KHSRP: variants seen among roughly 807,000 people sequenced by gnomAD.
The protein encoded by KHSRP is far upstream element-binding protein 2.
Under a neutral mutation model 94.9 loss-of-function variants are expected in KHSRP, and 13 were observed. That is an observed-to-expected ratio of 0.14 (90% CI 0.09 to 0.22). The LOEUF (loss-of-function observed/expected upper bound fraction) is 0.22, where lower values mean the gene tolerates loss of function less well. Ranked by LOEUF, KHSRP falls within the 10% of genes least tolerant of loss-of-function variation. The probability of loss-of-function intolerance (pLI) is 1.00; values close to 1 mark genes in which losing one functional copy is unlikely to be tolerated. For synonymous variants in KHSRP, 495 were observed against 401.4 expected, an observed-to-expected ratio of 1.23 and a Z score of -2.79; for missense variants, 710 against 1,010.0, an observed-to-expected ratio of 0.70 and a Z score of 4.03.
Position 6,418,141 on chromosome 19 carries a change from C to A in KHSRP, c.880-62G>T. On this transcript the variant is annotated intron_variant, in intron 9 of 18. Transcript: ENST00000600480. This position sits in a 1 kb window ranked among gnomAD's most constrained non-coding sequence, Gnocchi z 4.3. Reference sequence around the variant, plus strand: ...CCTGCTGCCCCACACCCCCCCACCTCCTCGGGGGTGCGGGCCTCAACTAAG... The same window carrying A: ...CCTGCTGCCCCACACCCCCCCACCTACTCGGGGGTGCGGGCCTCAACTAAG... The A allele has an allele frequency of 6.8e-7, 1 of 1,461,050 alleles. No homozygotes were observed. The highest frequency in any genetic ancestry group is 1.2e-5 in the South Asian group (1 of 86,666). The allele number at this position is 1,461,050 out of a possible 1,614,324, so 90.5% of individuals were successfully genotyped here. A position where few individuals can be genotyped will look rare whatever the true frequency, so the allele number is the denominator to read the frequency against.
At position 6,415,820 on chromosome 19, in the gene KHSRP, G is replaced by A. The variant is rs1293666172; in HGVS notation, c.1675C>T (p.Pro559Ser). The A allele has an allele frequency of 2.5e-6, 4 of 1,572,644 alleles. No homozygotes were observed. The highest frequency in any genetic ancestry group is 1.9e-5 in the Admixed American group (1 of 53,386). The change falls in exon 16 of 19, where the codon CCT (proline) becomes TCT (serine). Residue 559 changes from proline to serine, a missense_variant. Pro to Ser is a moderately conservative substitution (Grantham distance 74, BLOSUM62 -1). This residue lies in a region of KHSRP where 292 missense variants were observed against 340.5 expected (regional missense o/e 0.86). Transcript: ENST00000600480. The part of the protein sequence containing the change: ...NTYPQWQPPA[P>S]HDPSKAAAAA... Reference sequence around the variant, plus strand: ...GCCCATCACTTACTTGGGTCATGAGGAGCAGGCGGCTGCCACTGGGGGTAG... The same window carrying A: ...GCCCATCACTTACTTGGGTCATGAGAAGCAGGCGGCTGCCACTGGGGGTAG...
intron 6 of KHSRP, 143 bp downstream of exon 6, chr19:6,419,930 G>T (rs971887518): frequency 7.5e-6 from 5 of 670,082 alleles, no homozygotes; most frequent in Non-Finnish European, 1.3e-5. Context: ...GTGAGATACT[G>T]CACTGAGCCT....
chr19:6,421,204 C>G (rs2145123009), intron 4 of KHSRP, 74 bp downstream of exon 4: 3 of 1,388,904 alleles, frequency 2.2e-6, no homozygotes, highest in Non-Finnish European at 3.0e-6. Context: ...CAGTCAGAGC[C>G]CTCCCAAGTC....
rs1257348422 is a variant in KHSRP, at chr19:6,416,562, G to A, written c.1416C>T (p.Phe472=). The change falls in exon 14 of 19, where the codon TTC becomes TTT. Residue 472 remains phenylalanine, a synonymous_variant. Coordinates refer to ENST00000600480, the MANE Select transcript of KHSRP (RefSeq NM_001366299.1). ...GTGAACCCCGGATGATGAACAACTT[G>A]AAGTTGGGGTCCCCGTTGGGTGGCA... The part of the protein sequence containing the change: ...RQLPPNGDPN[F]KLFIIRGSPQ... The A allele has an allele frequency of 5.0e-6, 8 of 1,613,872 alleles. No homozygotes were observed. The highest frequency in any genetic ancestry group is 6.8e-6 in the Non-Finnish European group (8 of 1,179,728).
Position 6,414,834 on chromosome 19 carries a change from C to T in KHSRP, c.*190G>A, listed in dbSNP as rs1304254792. 2.1e-5 allele frequency: 26 copies of T among 1,236,546 alleles called. No individual in the cohort carries two copies. The highest frequency in any genetic ancestry group is 7.3e-5 in the East Asian group (2 of 27,456). The allele number at this position is 1,236,546 out of a possible 1,614,324, so 76.6% of individuals were successfully genotyped here. The stretch of plus-strand genomic sequence containing the variant: ...CCGTCCGCGCTGTCTGCCTGCCCCC[C>T]GACTCCCCAGCAGTTCAGAAGTCCC... On this transcript the variant is annotated 3_prime_UTR_variant, in exon 19 of 19. Coordinates refer to ENST00000600480, the MANE Select transcript of KHSRP (RefSeq NM_001366299.1).
Position 6,419,274 on chromosome 19 carries a change from A to C in KHSRP, c.548-14T>G. Reference sequence around the variant, plus strand: ...GGCCACCGCTGTCTGAAAAGAGGAGATAGAGTCAGTGCCCTCCCTGGCCCA... The same window carrying C: ...GGCCACCGCTGTCTGAAAAGAGGAGCTAGAGTCAGTGCCCTCCCTGGCCCA... On this transcript the variant is annotated splice_polypyrimidine_tract_variant and intron_variant, in intron 6 of 18. Coordinates refer to ENST00000600480, the MANE Select transcript of KHSRP (RefSeq NM_001366299.1). 1 of 1,560,064 alleles carries C rather than the reference A, an allele frequency of 6.4e-7. No individual in the cohort carries two copies. Among genetic ancestry groups the C allele is most frequent in the Non-Finnish European group, 8.7e-7 (1 of 1,153,328 alleles).
intron 2 of KHSRP, 81 bp downstream of exon 2, chr19:6,422,259 C>T: frequency 1.1e-6 from 1 of 919,358 alleles, no homozygotes; most frequent in Non-Finnish European, 1.8e-6. Flanking sequence ...CACCCACCCC[C>T]TCTGAACCAC....
Position 6,418,829 on chromosome 19 carries a change from C to G in KHSRP, c.653G>C (p.Gly218Ala), listed in dbSNP as rs528771587. The change falls in exon 8 of 19, where the codon GGC (glycine) becomes GCC (alanine). Residue 218 changes from glycine to alanine, a missense_variant. Gly to Ala is a moderately conservative substitution (Grantham distance 60). Transcript: ENST00000600480. This position sits in a 1 kb window ranked among gnomAD's most constrained non-coding sequence, Gnocchi z 4.3. ...GTTGTCGTGGAACTGTCCTGGGGGG[C>G]CCCCACGACCCCGAGACACAATGTC... ...LDDIVSRGRG[G>A]PPGQFHDNAN... The G allele has an allele frequency of 6.4e-7, 1 of 1,557,432 alleles. No homozygotes were observed. Among genetic ancestry groups the G allele is most frequent in the Admixed American group, 2.2e-5 (1 of 45,504 alleles).
chr19:6,424,607 G>A lies in KHSRP; in HGVS notation c.95C>T (p.Pro32Leu). 1 of 957,414 alleles carries A rather than the reference G, an allele frequency of 1.0e-6. No homozygotes were observed. Among genetic ancestry groups the A allele is most frequent in the Non-Finnish European group, 1.2e-6 (1 of 812,556 alleles). The allele number at this position is 957,414 out of a possible 1,614,324, so 59.3% of individuals were successfully genotyped here. The stretch of plus-strand genomic sequence containing the variant: ...CCGGTCCCCCGCGCCTGGCGGGCCC[G>A]GCGGAGGGCCTCCCCCGGCGCCTCC... ...GAGGAGGGPP[P>L]GPPGAGDRGG... The change falls in exon 1 of 19, where the codon CCG becomes CTG. Residue 32 changes from proline (P) to leucine (L), a missense_variant. Pro to Leu is a moderately conservative substitution (Grantham distance 98). Transcript: ENST00000600480.
At position 6,424,437 on chromosome 19, in the gene KHSRP, C is replaced by A; in HGVS notation, c.249+16G>T. ...CGCGCGCGCGAGCGCGCCCCTCAGGCCCTCGGCCTCCTCACCTGGCGGGCC... is the reference window on the plus strand; with the variant it reads ...CGCGCGCGCGAGCGCGCCCCTCAGGACCTCGGCCTCCTCACCTGGCGGGCC... On this transcript the variant is annotated intron_variant, in intron 1 of 18. Coordinates refer to ENST00000600480, the MANE Select transcript of KHSRP (RefSeq NM_001366299.1). 6.1e-6 allele frequency: 6 copies of A among 990,272 alleles called. No individual in the cohort carries two copies. Among genetic ancestry groups the A allele is most frequent in the Non-Finnish European group, 7.2e-6 (6 of 834,356 alleles). 61.3% of individuals were successfully genotyped at this position (990,272 alleles called of 1,614,324 possible).
intron 4 of KHSRP, chr19:6,421,066 C>A: frequency 1.7e-6 from 1 of 589,754 alleles, no homozygotes; most frequent in East Asian, 2.9e-5. Flanking sequence ...CAGTGACTGC[C>A]ACGACGCTCC....
chr19:6,422,321 G>A lies in KHSRP; in HGVS notation c.346+19C>T. 1 of 1,568,474 alleles carries A rather than the reference G, an allele frequency of 6.4e-7. No homozygotes were observed. Among genetic ancestry groups the A allele is most frequent in the Non-Finnish European group, 8.8e-7 (1 of 1,138,712 alleles). Reference sequence around the variant, plus strand: ...CCCCAGCCCTTCCTCCTAAGCTAAAGGCAGCAGCAGGGAGTTACCTCCATC... The same window carrying A: ...CCCCAGCCCTTCCTCCTAAGCTAAAAGCAGCAGCAGGGAGTTACCTCCATC... On this transcript the variant is annotated intron_variant, in intron 2 of 18. Coordinates refer to ENST00000600480, the MANE Select transcript of KHSRP (RefSeq NM_001366299.1).
chr19:6,420,005 T>C, intron 6 of KHSRP, 68 bp downstream of exon 6: 2 of 1,193,614 alleles, frequency 1.7e-6, no homozygotes, highest in Non-Finnish European at 2.5e-6. Flanking sequence ...GGAAATTAAG[T>C]AATTAAAGGA....
rs1266208429 is a variant in KHSRP, at chr19:6,421,006, C to A, written c.425+272G>T. On this transcript the variant is annotated intron_variant, in intron 4 of 18. Transcript: ENST00000600480. ...AGACGACATTTGTGCTGCTCAGAGTCCCCACCCCAGCGGAGGAAGCCATAG... is the reference window on the plus strand; with the variant it reads ...AGACGACATTTGTGCTGCTCAGAGTACCCACCCCAGCGGAGGAAGCCATAG... 8 of 501,594 alleles carry A rather than the reference C, an allele frequency of 1.6e-5. No individual in the cohort carries two copies. The Admixed American group carries it at 2.9e-4, about 18-fold the overall frequency. 31.1% of individuals were successfully genotyped at this position (501,594 alleles called of 1,614,324 possible). A position where few individuals can be genotyped will look rare whatever the true frequency, so the allele number is the denominator to read the frequency against.
In KHSRP at chr19:6,417,074, C is replaced by T. The variant is rs577114526; in HGVS notation, c.1095G>A (p.Gly365=). The change falls in exon 12 of 19, where the codon GGG becomes GGA. Residue 365 remains glycine, a synonymous_variant. Transcript: ENST00000600480. ...RIQFKQDDGT[G]PEKIAHIMGP... Reference sequence around the variant, plus strand: ...CCATTATATGAGCAATCTTCTCGGGCCCTGTCCCGTCATCTGAGGCCAGCA... The same window carrying T: ...CCATTATATGAGCAATCTTCTCGGGTCCTGTCCCGTCATCTGAGGCCAGCA... 1.2e-6 allele frequency: 2 copies of T among 1,611,342 alleles called. No individual in the cohort carries two copies. The highest frequency in any genetic ancestry group is 3.3e-5 in the Admixed American group (2 of 59,934).
intron 1 of KHSRP, among the ~76,000 whole-genome samples, chr19:6,423,247 C>G (rs2092206017): frequency 6.6e-6 from 1 of 152,144 alleles, no homozygotes; most frequent in South Asian, 2.1e-4. Context: ...CCACTGCACC[C>G]CTGCCTGGGT....
chr19:6,417,833 C>A lies in KHSRP; in HGVS notation c.987G>T (p.Val329=), dbSNP rs1473923918. The change falls in exon 11 of 19, where the codon GTG becomes GTT. Residue 329 remains valine, a synonymous_variant. Transcript: ENST00000600480. ...SRIGGGIDVP[V]PRHSVGVVIG... ...TGACCACGCCAACAGAATGCCTGGG[C>A]ACTGGCACCTGGGGAGGGAGGCAGC... 1 of 1,613,876 alleles carries A rather than the reference C, an allele frequency of 6.2e-7. No individual in the cohort carries two copies. Among genetic ancestry groups the A allele is most frequent in the Non-Finnish European group, 8.5e-7 (1 of 1,179,798 alleles).
In KHSRP at chr19:6,414,295, GC is replaced by G; in HGVS notation, c.*728del. The G allele has an allele frequency of 5.7e-6, 8 of 1,394,366 alleles. No individual in the cohort carries two copies. Among genetic ancestry groups the G allele is most frequent in the Non-Finnish European group, 6.6e-6 (7 of 1,067,018 alleles). The allele number at this position is 1,394,366 out of a possible 1,614,324, so 86.4% of individuals were successfully genotyped here. A position where few individuals can be genotyped will look rare whatever the true frequency, so the allele number is the denominator to read the frequency against. On this transcript the variant is annotated 3_prime_UTR_variant, in exon 19 of 19. Transcript: ENST00000600480. ...TTGTTAACTGTCTAGCCAGGTGCTC[GC>G]GGGACTCGCTGAAGTCACGCTGCTC...
At chr19:6,421,990 G>A (rs747111248) in intron 2 of KHSRP, among the ~76,000 whole-genome samples, 2 of 152,168 alleles carry the variant, frequency 1.3e-5, no homozygotes, top group Non-Finnish European at 2.9e-5. Context: ...AGTGGAGTTG[G>A]TCAGGGTTGA....
Sources: gnomAD v4.1 joint callset for allele counts (sites outside exome capture counted in the v4.1 genomes callset) on GRCh38, gnomAD v4.1.1 for gene constraint, gnomAD v4.1.1 regional missense constraint, Gnocchi (gnomAD v3.1) non-coding constraint, MANE v1.5 for transcripts, NCBI Gene and HGNC (gene_info 2026-07-23, HGNC 2026-07-21) for gene names.